NTNG1: variants seen among roughly 807,000 people sequenced by gnomAD.
The protein encoded by NTNG1 is netrin G1.
A neutral mutation model predicts 54.0 loss-of-function variants in NTNG1; 16 were observed. That is an observed-to-expected ratio of 0.30 (90% CI 0.20 to 0.45). The LOEUF (loss-of-function observed/expected upper bound fraction) is 0.45, where lower values mean the gene tolerates loss of function less well. NTNG1 is among the 20% of genes least tolerant of loss of function. The pLI, the probability that NTNG1 is intolerant of heterozygous loss-of-function variation, is 1.00. For missense variants in NTNG1, 530 were observed against 678.7 expected, an observed-to-expected ratio of 0.78 and a Z score of 2.43; for synonymous variants, 255 against 263.1, an observed-to-expected ratio of 0.97 and a Z score of 0.30.
intron 2 of NTNG1, among the ~76,000 whole-genome samples, chr1:107,266,028 C>T (rs1375862694): frequency 6.6e-6 from 1 of 152,142 alleles, no homozygotes; most frequent in East Asian, 1.9e-4. Context: ...ATTTTTTGGG[C>T]ACAATTCTAA....
intron 7 of NTNG1, among the ~76,000 whole-genome samples, chr1:107,449,559 G>A (rs372016716): frequency 1.2e-4 from 18 of 151,942 alleles, no homozygotes; most frequent in Admixed American, 7.2e-4. Flanking sequence ...AGAGCACTGC[G>A]GACTGTGGGA....
At chr1:107,250,729 C>G (rs979269021) in intron 2 of NTNG1, among the ~76,000 whole-genome samples, 1 of 21,744 alleles carries the variant, frequency 4.6e-5, no homozygotes, top group African/African-American at 1.5e-4. Flanking sequence ...GTCGGCCCTG[C>G]GTCAACCAGT....
intron 3 of NTNG1, among the ~76,000 whole-genome samples, chr1:107,382,372 G>A (rs933791316): frequency 3.3e-5 from 5 of 152,112 alleles, no homozygotes; most frequent in East Asian, 3.9e-4. Flanking sequence ...TCTCTTGATC[G>A]TATATCATTT....
intron 2 of NTNG1, among the ~76,000 whole-genome samples, chr1:107,149,054 T>C (rs1249320034): frequency 1.3e-5 from 2 of 152,130 alleles, no homozygotes; most frequent in Non-Finnish European, 2.9e-5. Context: ...GAACTTACTT[T>C]CCGCTTCCCT....
At chr1:107,235,346 C>T (rs757561774) in intron 2 of NTNG1, among the ~76,000 whole-genome samples, 9 of 152,134 alleles carry the variant, frequency 5.9e-5, no homozygotes, top group Non-Finnish European at 1.0e-4. Flanking sequence ...TCGCAAATTC[C>T]GGAGAGACAG....
At chr1:107,305,962 C>T (rs1191339602) in intron 2 of NTNG1, among the ~76,000 whole-genome samples, 3 of 152,124 alleles carry the variant, frequency 2.0e-5, no homozygotes, top group African/African-American at 4.8e-5. Flanking sequence ...TGTGAGCAAG[C>T]TTATCCCCTT....
intron 2 of NTNG1, among the ~76,000 whole-genome samples, chr1:107,281,682 A>AAT (rs1050577784): frequency 1.3e-5 from 2 of 151,960 alleles, no homozygotes; most frequent in Admixed American, 6.6e-5. Flanking sequence ...TATACCCATA[A>AAT]ATATATATAT....
At chr1:107,247,420 TATCATGCAAAGTC>T (rs1192691887) in intron 2 of NTNG1, among the ~76,000 whole-genome samples, 3 of 152,232 alleles carry the variant, frequency 2.0e-5, no homozygotes, top group Non-Finnish European at 4.4e-5. Flanking sequence ...TGATGAGCTG[TATCATGCAAAGTC>T]ATACAAGTTA....
Position 107,326,093 on chromosome 1 carries a change from T to C in NTNG1, c.887+1171T>C, listed in dbSNP as rs1485126906. On this transcript the variant is annotated intron_variant, in intron 3 of 7. Transcript: ENST00000370068. Reference sequence around the variant, plus strand: ...GTCACTGCTGTTAAGGTAAAGACCATAGTGGGAACGCAGAATGGAGTGGTG... The same window carrying C: ...GTCACTGCTGTTAAGGTAAAGACCACAGTGGGAACGCAGAATGGAGTGGTG... Among the ~76,000 whole-genome samples the C allele has an allele frequency of 2.6e-5, 4 of 152,002 alleles. No homozygotes were observed. In the East Asian group the frequency reaches 5.8e-4, roughly 22 times the overall value.
At chr1:107,256,533 G>GTT (rs1662944412) in intron 2 of NTNG1, among the ~76,000 whole-genome samples, 1 of 152,214 alleles carries the variant, frequency 6.6e-6, no homozygotes, top group Non-Finnish European at 1.5e-5. Flanking sequence ...AGTATTCGAA[G>GTT]TTAGCGTAAC....
rs545582154 is a variant in NTNG1 at position 107,397,005 on chromosome 1, C to T, written c.1060+1679C>T. 7.2e-5 allele frequency among the ~76,000 whole-genome samples: 11 copies of T among 152,320 alleles called. No individual in the cohort carries two copies. The South Asian group carries it at 2.3e-3, about 32-fold the overall frequency. On this transcript the variant is annotated intron_variant, in intron 4 of 7. Coordinates refer to ENST00000370068, the MANE Select transcript of NTNG1 (RefSeq NM_001113226.3). ...GAAAGACTTTCTTGTTTCATCCAAG[C>T]TTTCGCATTGAAACTGATTTCTTGT...
At chr1:107,165,711 T>C (rs1342284157) in intron 2 of NTNG1, among the ~76,000 whole-genome samples, 2 of 152,186 alleles carry the variant, frequency 1.3e-5, no homozygotes, top group South Asian at 2.1e-4. Flanking sequence ...AAATTTCTGC[T>C]CTCCACTTTC....
At chr1:107,368,051 C>T (rs1267894496) in intron 3 of NTNG1, among the ~76,000 whole-genome samples, 2 of 152,118 alleles carry the variant, frequency 1.3e-5, no homozygotes, top group Non-Finnish European at 2.9e-5. Context: ...AGCCACCGTG[C>T]CCGGCCTAAA....
At chr1:107,181,741 G>C (rs924199490) in intron 2 of NTNG1, among the ~76,000 whole-genome samples, 11 of 152,076 alleles carry the variant, frequency 7.2e-5, no homozygotes, top group African/African-American at 2.4e-5. Context: ...GGGCTCCAAG[G>C]CTCTCTCATT....
intron 3 of NTNG1, among the ~76,000 whole-genome samples, chr1:107,382,294 C>T (rs1314768633): frequency 6.6e-6 from 1 of 152,096 alleles, no homozygotes; most frequent in Non-Finnish European, 1.5e-5. Context: ...AGATCAAACC[C>T]TTTAAATTTC....
Position 107,395,210 on chromosome 1 carries a change from G to T in NTNG1, c.944G>T (p.Cys315Phe). 6.2e-7 allele frequency: 1 copy of T among 1,613,414 alleles called. No individual in the cohort carries two copies. The highest frequency in any genetic ancestry group is 8.5e-7 in the Non-Finnish European group (1 of 1,179,486). The change falls in exon 4 of 8, where the codon TGC becomes TTC. Residue 315 changes from cysteine (C) to phenylalanine (F), a missense_variant. Coordinates refer to ENST00000370068, the MANE Select transcript of NTNG1 (RefSeq NM_001113226.3). ...VCVYDNSKLT[C>F]ECEHNTTGPD... ...GTGTATGACAACAGCAAATTGACAT[G>T]CGAATGTGAGCACAACACTACAGGT...
intron 2 of NTNG1, among the ~76,000 whole-genome samples, chr1:107,194,770 A>G (rs1156644772): frequency 6.6e-6 from 1 of 151,976 alleles, no homozygotes; most frequent in Admixed American, 6.6e-5. Flanking sequence ...TATACTTCCT[A>G]TTAGTTTTGT....
intron 2 of NTNG1, among the ~76,000 whole-genome samples, chr1:107,317,118 G>A (rs1261769424): frequency 1.3e-5 from 2 of 152,022 alleles, no homozygotes; most frequent in Non-Finnish European, 2.9e-5. Flanking sequence ...AAAACTTTTC[G>A]AACATCAAAT....
At chr1:107,245,352 T>C (rs910899589) in intron 2 of NTNG1, among the ~76,000 whole-genome samples, 8 of 152,354 alleles carry the variant, frequency 5.3e-5, no homozygotes, top group African/African-American at 1.9e-4. Flanking sequence ...TAAGTGTAAG[T>C]ATTTTTCTCA....
Sources: allele counts gnomAD v4.1 joint callset (sites outside exome capture counted in the v4.1 genomes callset), GRCh38; gene constraint gnomAD v4.1.1; transcripts MANE v1.5; gene names NCBI Gene and HGNC (gene_info 2026-07-23, HGNC 2026-07-21).